The following KLHL1 variants were observed in gnomAD, a reference collection of about 807,000 sequenced individuals.
KLHL1 encodes kelch like family member 1, also known as kelch-like protein 1.
Under a neutral mutation model 77.7 loss-of-function variants are expected in KLHL1, and 47 were observed. That is an observed-to-expected ratio of 0.60 (90% confidence interval 0.48 to 0.77). The LOEUF (loss-of-function observed/expected upper bound fraction) is 0.77. Ranked by LOEUF, KLHL1 falls within the 30% of genes least tolerant of loss-of-function variation. The pLI, the probability that KLHL1 is intolerant of heterozygous loss-of-function variation, is 0.00. For synonymous variants in KLHL1, 360 were observed against 325.2 expected (o/e 1.11, Z -1.15); for missense variants, 925 against 910.8 (o/e 1.02, Z -0.20).
At position 69,937,569 on chromosome 13, in the gene KLHL1, T is replaced by C. The variant is rs570036875; in HGVS notation, c.1014+2471A>G. Among the ~76,000 whole-genome samples the C allele has an allele frequency of 6.6e-5, 10 of 152,304 alleles. No homozygotes were observed. The East Asian group carries it at 1.9e-3, about 29-fold the overall frequency. On this transcript the variant is annotated intron_variant, in intron 4 of 10. Coordinates refer to ENST00000377844, the MANE Select transcript of KLHL1 (RefSeq NM_020866.3). Reference sequence around the variant, plus strand: ...AGTACAATGAGACTATTTCCTTCAGTGCTGCTATTCTGGTGCTATCTCTAT... The same window carrying C: ...AGTACAATGAGACTATTTCCTTCAGCGCTGCTATTCTGGTGCTATCTCTAT...
intron 1 of KLHL1, among the ~76,000 whole-genome samples, chr13:70,076,385 A>G (rs1414212482): frequency 1.3e-5 from 1 of 78,984 alleles, no homozygotes; most frequent in Non-Finnish European, 2.7e-5. Context: ...GGAAAGGATA[A>G]TCTTTTTTTT....
chr13:69,819,171 T>G (rs1225485154), intron 6 of KLHL1, among the ~76,000 whole-genome samples: 2 of 152,160 alleles, frequency 1.3e-5, no homozygotes. Context: ...CATTTTCCAT[T>G]TTTGCCTTGC....
intron 1 of KLHL1, among the ~76,000 whole-genome samples, chr13:70,082,311 T>TCACACACACACACA (rs4053611): frequency 9.0e-6 from 1 of 110,946 alleles, no homozygotes. Context: ...CTTGGACCTG[T>TCACACACACACACA]CACACACACA....
At chr13:70,034,499 A>C (rs1433197135) in intron 1 of KLHL1, among the ~76,000 whole-genome samples, 2 of 152,192 alleles carry the variant, frequency 1.3e-5, no homozygotes, top group Non-Finnish European at 2.9e-5. Context: ...AAGTTTGTGG[A>C]ACAGTTGTCA....
At chr13:69,922,518 T>G (rs1037917370) in intron 4 of KLHL1, among the ~76,000 whole-genome samples, 1 of 152,168 alleles carries the variant, frequency 6.6e-6, no homozygotes, top group African/African-American at 2.4e-5. Context: ...CTTAAGATGT[T>G]AAATTGGAAA....
chr13:69,770,809 C>G (rs1323524268), intron 7 of KLHL1, among the ~76,000 whole-genome samples: 1 of 152,106 alleles, frequency 6.6e-6, no homozygotes, highest in Non-Finnish European at 1.5e-5. Flanking sequence ...AATGTAGTGG[C>G]ACGAGCTGGG....
chr13:70,044,445 A>G (rs1158935578), intron 1 of KLHL1, among the ~76,000 whole-genome samples: 2 of 152,174 alleles, frequency 1.3e-5, no homozygotes, highest in Non-Finnish European at 2.9e-5. Context: ...TTCACTCAAT[A>G]AATACTATTT....
intron 10 of KLHL1, among the ~76,000 whole-genome samples, chr13:69,703,810 A>G (rs1270268185): frequency 1.3e-5 from 2 of 151,756 alleles, no homozygotes; most frequent in East Asian, 1.9e-4. Context: ...TTTGTAACCT[A>G]GGAGCAATAG....
At chr13:70,044,794 T>G (rs1175845337) in intron 1 of KLHL1, among the ~76,000 whole-genome samples, 4 of 152,212 alleles carry the variant, frequency 2.6e-5, no homozygotes, top group Admixed American at 2.6e-4. Context: ...ACCTTTATCA[T>G]TAAGAAGAAA....
In KLHL1 at chr13:69,916,484, G is replaced by A. The variant is rs371496116; in HGVS notation, c.1014+23556C>T. On this transcript the variant is annotated intron_variant, in intron 4 of 10. Transcript: ENST00000377844. ...AAACCATCATTCTCAGCAAACTATC[G>A]CAAGGACAAAAAACCAAACACCACA... is the stretch of plus-strand genomic sequence containing the variant. 2.3e-3 allele frequency among the ~76,000 whole-genome samples: 345 copies of A among 151,500 alleles called. 1 individual carries two copies. The highest frequency in any genetic ancestry group is 3.8e-3 in the Non-Finnish European group (258 of 67,906).
At chr13:69,747,434 T>C (rs1390050437) in intron 7 of KLHL1, among the ~76,000 whole-genome samples, 1 of 152,056 alleles carries the variant, frequency 6.6e-6, no homozygotes, top group Admixed American at 6.6e-5. Context: ...TGGGGACAAC[T>C]AGAATAATTA....
intron 3 of KLHL1, among the ~76,000 whole-genome samples, chr13:69,943,755 T>A (rs978220513): frequency 1.3e-5 from 2 of 152,176 alleles, no homozygotes; most frequent in African/African-American, 4.8e-5. Flanking sequence ...CACTTTTTTA[T>A]TCATATATAC....
intron 1 of KLHL1, among the ~76,000 whole-genome samples, chr13:70,020,658 A>G (rs1392883091): frequency 1.3e-5 from 2 of 152,042 alleles, no homozygotes; most frequent in Non-Finnish European, 1.5e-5. Flanking sequence ...CAGATAACCC[A>G]GGTACATAAA....
chr13:69,945,334 A>G (rs933425843), intron 3 of KLHL1, among the ~76,000 whole-genome samples: 1 of 152,036 alleles, frequency 6.6e-6, no homozygotes, highest in Admixed American at 6.6e-5. Context: ...AATATCAAAA[A>G]CATAATTTCT....
chr13:69,883,784 A>C (rs1285198521), intron 4 of KLHL1, among the ~76,000 whole-genome samples: 2 of 152,200 alleles, frequency 1.3e-5, no homozygotes, highest in South Asian at 2.1e-4. Context: ...CTTGTCAAAA[A>C]CTTTCTTACA....
intron 1 of KLHL1, among the ~76,000 whole-genome samples, chr13:69,976,142 A>T (rs188429279): frequency 6.9e-4 from 105 of 152,200 alleles, no homozygotes; most frequent in Non-Finnish European, 2.5e-4. Flanking sequence ...ATTAGCAATG[A>T]AATGTTAATT....
chr13:70,086,895 G>A (rs1887556611), intron 1 of KLHL1, among the ~76,000 whole-genome samples: 1 of 152,054 alleles, frequency 6.6e-6, no homozygotes, highest in African/African-American at 2.4e-5. Flanking sequence ...ATAGGATACA[G>A]CTATAGGAAG....
chr13:69,984,013 G>A (rs73512695), intron 1 of KLHL1, among the ~76,000 whole-genome samples: 23,070 of 151,964 alleles, frequency 0.15, 3,737 homozygotes, highest in African/African-American at 0.41. Flanking sequence ...CTAAAAATAG[G>A]TTAGAGTCTT....
At chr13:69,916,145 C>T (rs1473064712) in intron 4 of KLHL1, among the ~76,000 whole-genome samples, 1 of 152,100 alleles carries the variant, frequency 6.6e-6, no homozygotes, top group Non-Finnish European at 1.5e-5. Flanking sequence ...GTTGGTGGGA[C>T]TGTAAACTAG....
Sources: gnomAD v4.1 joint callset for allele counts (sites outside exome capture counted in the v4.1 genomes callset) on GRCh38, gnomAD v4.1.1 for gene constraint, MANE v1.5 for transcripts, NCBI Gene and HGNC (gene_info 2026-07-23, HGNC 2026-07-21) for gene names.